MICU1: variants seen among roughly 807,000 people sequenced by gnomAD.
MICU1 encodes the protein calcium uptake protein 1, mitochondrial.
MICU1 carries 45 observed loss-of-function variants against 56.8 expected under a neutral mutation model. That is an observed-to-expected ratio of 0.79 (90% CI 0.62 to 1.02). MICU1 has a LOEUF of 1.02. Among genes scored for constraint, MICU1 ranks in the 50% least tolerant of loss-of-function variants. MICU1 has a pLI of 0.00. For missense variants in MICU1, 504 were observed against 587.1 expected (o/e 0.86, Z 1.46); for synonymous variants, 186 against 195.1 (o/e 0.95, Z 0.39).
intron 6 of MICU1, among the ~76,000 whole-genome samples, chr10:72,504,968 T>C (rs1867196154): frequency 1.3e-5 from 2 of 151,194 alleles, no homozygotes; most frequent in Admixed American, 1.3e-4. Flanking sequence ...TTATCATTAT[T>C]ATTATTATTA....
At chr10:72,597,598 TTG>T (rs1368105908) in intron 1 of MICU1, among the ~76,000 whole-genome samples, 1 of 152,218 alleles carries the variant, frequency 6.6e-6, no homozygotes, top group African/African-American at 2.4e-5. Context: ...ATTAAATTTA[TTG>T]TGTTAATCAT....
In MICU1 at chr10:72,574,250, C is replaced by T. The variant is rs563218599; in HGVS notation, c.-1-7456G>A. On this transcript the variant is annotated intron_variant, in intron 1 of 11. Transcript: ENST00000361114. ...GAACTCAGTTAAATAAAATGTCAGC[C>T]GGGCGTGGTGGCTCACGCCTGTAAT... Among the ~76,000 whole-genome samples, 15 of 152,250 alleles carry T rather than the reference C, an allele frequency of 9.9e-5. 1 individual carries two copies. The South Asian group carries it at 2.3e-3, about 23-fold the overall frequency.
At chr10:72,491,949 A>C (rs937490312) in intron 6 of MICU1, among the ~76,000 whole-genome samples, 2 of 152,212 alleles carry the variant, frequency 1.3e-5, no homozygotes, top group Non-Finnish European at 2.9e-5. Context: ...AAGTTTAAAA[A>C]ACCATTAGAG....
At chr10:72,617,039 A>G (rs747541304) in intron 1 of MICU1, among the ~76,000 whole-genome samples, 1 of 152,178 alleles carries the variant, frequency 6.6e-6, no homozygotes, top group Non-Finnish European at 1.5e-5. Context: ...AATGTTCAAA[A>G]TCTAGACAAC....
intron 10 of MICU1, among the ~76,000 whole-genome samples, chr10:72,390,611 T>C (rs1863036357): frequency 6.6e-6 from 1 of 152,168 alleles, no homozygotes; most frequent in Non-Finnish European, 1.5e-5. Context: ...ACCTCTAAAA[T>C]AGCCAAGGAA....
At position 72,421,456 on chromosome 10, in the gene MICU1, G is replaced by A. The variant is rs373007717; in HGVS notation, c.1071+1778C>T. On this transcript the variant is annotated intron_variant, in intron 9 of 11. Transcript: ENST00000361114. The stretch of plus-strand genomic sequence containing the variant: ...CGCCTGGCTAATTTTTGTATTTTTA[G>A]TAGAGACAGGGTTTTGCCATGTTGG... 5.9e-5 allele frequency among the ~76,000 whole-genome samples: 9 copies of A among 152,208 alleles called. No individual in the cohort carries two copies. The East Asian group carries it at 1.5e-3, about 26-fold the overall frequency.
At chr10:72,441,551 TAA>T (rs35141740) in intron 8 of MICU1, among the ~76,000 whole-genome samples, 57 of 127,002 alleles carry the variant, frequency 4.5e-4, no homozygotes, top group African/African-American at 1.5e-3. Context: ...TTAAATTATT[TAA>T]AAAAAAAAAA....
chr10:72,398,910 A>G (rs1863356695), intron 10 of MICU1, among the ~76,000 whole-genome samples: 1 of 152,230 alleles, frequency 6.6e-6, no homozygotes, highest in Admixed American at 6.5e-5. Context: ...TCCAATCAAT[A>G]GAAAAAGAGG....
intron 1 of MICU1, among the ~76,000 whole-genome samples, chr10:72,619,721 G>A (rs1564515828): frequency 6.6e-6 from 1 of 152,150 alleles, no homozygotes. Flanking sequence ...ACCACCTGAG[G>A]GTAGAGGGAG....
At chr10:72,393,223 C>T (rs1032233601) in intron 10 of MICU1, among the ~76,000 whole-genome samples, 1 of 152,100 alleles carries the variant, frequency 6.6e-6, no homozygotes, top group African/African-American at 2.4e-5. Flanking sequence ...CATCCATGAG[C>T]AAGACAGATA....
At chr10:72,555,131 T>C (rs1840128679) in intron 3 of MICU1, among the ~76,000 whole-genome samples, 1 of 152,184 alleles carries the variant, frequency 6.6e-6, no homozygotes, top group South Asian at 2.1e-4. Flanking sequence ...AGTAAGAGTA[T>C]TTCAAAATGA....
At chr10:72,440,766 A>G (rs1391591928) in intron 8 of MICU1, among the ~76,000 whole-genome samples, 1 of 152,246 alleles carries the variant, frequency 6.6e-6, no homozygotes, top group Non-Finnish European at 1.5e-5. Context: ...TCTCAAAAGA[A>G]GACATCTATA....
chr10:72,583,890 C>A (rs912092282), intron 1 of MICU1, among the ~76,000 whole-genome samples: 1 of 152,088 alleles, frequency 6.6e-6, no homozygotes, highest in Non-Finnish European at 1.5e-5. Flanking sequence ...ACATTAGTGA[C>A]ACAATAAATG....
At chr10:72,587,922 A>T (rs1228888371) in intron 1 of MICU1, among the ~76,000 whole-genome samples, 1 of 152,244 alleles carries the variant, frequency 6.6e-6, no homozygotes, top group Non-Finnish European at 1.5e-5. Flanking sequence ...TGATGGGTAG[A>T]GCGTGGGTCA....
In MICU1 at chr10:72,528,302, T is replaced by A. The variant is rs183964572; in HGVS notation, c.537+5444A>T. ...TCTCTTGGCATCTGTTACAGTGTTT[T>A]TAAAGCAAGAATTTCCCTATATAAA... is the stretch of plus-strand genomic sequence containing the variant. On this transcript the variant is annotated intron_variant, in intron 5 of 11. Coordinates refer to ENST00000361114, the MANE Select transcript of MICU1 (RefSeq NM_001195518.2). Among the ~76,000 whole-genome samples, 159 of 152,348 alleles carry A rather than the reference T, an allele frequency of 1.0e-3. 1 individual carries two copies. Among genetic ancestry groups the A allele is most frequent in the Middle Eastern group, 0.01 (3 of 294 alleles).
chr10:72,624,205 T>G (rs1040604420), intron 1 of MICU1, among the ~76,000 whole-genome samples: 1 of 152,218 alleles, frequency 6.6e-6, no homozygotes, highest in Non-Finnish European at 1.5e-5. Context: ...CTTTTGTTGT[T>G]GTTTTAAGAG....
intron 4 of MICU1, among the ~76,000 whole-genome samples, chr10:72,535,747 T>C (rs1839616673): frequency 6.6e-6 from 1 of 152,148 alleles, no homozygotes; most frequent in South Asian, 2.1e-4. Flanking sequence ...CAAGTAAAAC[T>C]TGGTACATCA....
At chr10:72,398,921 G>A (rs970599511) in intron 10 of MICU1, among the ~76,000 whole-genome samples, 1 of 152,130 alleles carries the variant, frequency 6.6e-6, no homozygotes, top group African/African-American at 2.4e-5. Flanking sequence ...GAAAAAGAGG[G>A]AATCCTCCCT....
intron 1 of MICU1, among the ~76,000 whole-genome samples, chr10:72,623,187 C>T (rs548702908): frequency 1.3e-5 from 2 of 150,804 alleles, no homozygotes; most frequent in African/African-American, 4.9e-5. Context: ...AGAAGAATCA[C>T]TTGAACCCCG....
Sources: gnomAD v4.1 joint callset for allele counts (sites outside exome capture counted in the v4.1 genomes callset) on GRCh38, gnomAD v4.1.1 for gene constraint, MANE v1.5 for transcripts, NCBI Gene and HGNC (gene_info 2026-07-23, HGNC 2026-07-21) for gene names.